The following UACA variants were observed in gnomAD, a reference collection of about 807,000 sequenced individuals.
UACA encodes the protein uveal autoantigen with coiled-coil domains and ankyrin repeats.
Under a neutral mutation model 160.5 loss-of-function variants are expected in UACA, and 112 were observed. The ratio of observed to expected loss-of-function variants is 0.70; its 90% CI spans 0.60 to 0.82. UACA has a LOEUF of 0.82. Ranked by LOEUF, UACA falls within the 40% of genes least tolerant of loss-of-function variation. The pLI is 0.00. For missense variants in UACA, 1,574 were observed against 1,614.6 expected, an observed-to-expected ratio of 0.97 and a Z score of 0.43; for synonymous variants, 557 against 568.4, an observed-to-expected ratio of 0.98 and a Z score of 0.29.
intron 1 of UACA, among the ~76,000 whole-genome samples, chr15:70,723,269 G>A (rs918115773): frequency 9.2e-5 from 14 of 152,244 alleles, no homozygotes; most frequent in African/African-American, 3.4e-4. Flanking sequence ...CTAGAATGGA[G>A]GGTCGCTGGA....
rs571781334 is a variant in UACA, at chr15:70,669,305, C to A, written c.1379G>T (p.Arg460Leu). 4.3e-6 allele frequency: 7 copies of A among 1,613,916 alleles called. No homozygotes were observed. Among genetic ancestry groups the A allele is most frequent in the Non-Finnish European group, 5.9e-6 (7 of 1,179,978 alleles). ...TGCCAGTTCATTTTGGAGCTTCAGT[C>A]GGTCTTGTTTTGCTGACTCACAGAA... ...RTFCESAKQD[R>L]LKLQNELAHK... Residue 460 changes from arginine to leucine, a missense_variant, in exon 16 of 19, where the codon CGA becomes CTA. Transcript: ENST00000322954.
intron 17 of UACA, chr15:70,660,483 A>T: frequency 2.5e-6 from 1 of 400,248 alleles, no homozygotes; most frequent in Non-Finnish European, 4.5e-6. Context: ...TAGTGCCATG[A>T]ACTTCTGAAG....
chr15:70,673,677 T>G (rs1053466693), intron 13 of UACA, among the ~76,000 whole-genome samples: 1 of 152,226 alleles, frequency 6.6e-6, no homozygotes, highest in African/African-American at 2.4e-5. Flanking sequence ...AAAATCAGTC[T>G]CATTCTAAAA....
At chr15:70,674,042 G>A (rs1050811003) in intron 13 of UACA, among the ~76,000 whole-genome samples, 2 of 151,958 alleles carry the variant, frequency 1.3e-5, no homozygotes, top group African/African-American at 4.8e-5. Context: ...TTATGTTTTT[G>A]GTAGAGACGG....
chr15:70,662,343 T>C (rs1351571098), intron 17 of UACA, among the ~76,000 whole-genome samples: 1 of 152,114 alleles, frequency 6.6e-6, no homozygotes, highest in East Asian at 1.9e-4. Flanking sequence ...TACAAACCAC[T>C]GCTCAATGAA....
At chr15:70,763,301 C>A in intron 1 of UACA, 29 bp downstream of exon 1, 1 of 1,321,702 alleles carries the variant, frequency 7.6e-7, no homozygotes, top group Non-Finnish European at 9.7e-7. Context: ...CGGAGCGGAG[C>A]GCCTCGCAGC....
chr15:70,778,436 C>T, the UACA span, among the ~76,000 whole-genome samples: 3 of 152,312 alleles, frequency 2.0e-5, no homozygotes, highest in African/African-American at 7.2e-5. Flanking sequence ...AGGCTGCCCT[C>T]GTTCCTTGGC....
At chr15:70,712,022 C>T (rs1360440246) in intron 1 of UACA, among the ~76,000 whole-genome samples, 2 of 141,542 alleles carry the variant, frequency 1.4e-5, no homozygotes, top group East Asian at 4.0e-4. Flanking sequence ...AGAAACACAT[C>T]TGCAACCCAG....
chr15:70,741,264 G>A (rs1255889577), intron 1 of UACA, among the ~76,000 whole-genome samples: 1 of 152,116 alleles, frequency 6.6e-6, no homozygotes, highest in East Asian at 1.9e-4. Context: ...GCACTCCCAA[G>A]GTCTGTCCTG....
chr15:70,776,726 G>A, the UACA span, among the ~76,000 whole-genome samples: 1 of 152,048 alleles, frequency 6.6e-6, no homozygotes, highest in Non-Finnish European at 1.5e-5. Flanking sequence ...ACCATACCTG[G>A]CCTAAATGTC....
chr15:70,668,276 A>C lies in UACA; in HGVS notation c.2408T>G (p.Phe803Cys). 6.2e-7 allele frequency: 1 copy of C among 1,613,586 alleles called. No individual in the cohort carries two copies. Among genetic ancestry groups the C allele is most frequent in the African/African-American group, 1.3e-5 (1 of 75,018 alleles). ...SKDVSRLETV[F>C]VPPEKHEKEI... ...TTTTTCATGTTTCTCAGGAGGTACA[A>C]ACACAGTTTCTAGGCGGCTTACATC... Residue 803 changes from phenylalanine to cysteine, a missense_variant, in exon 16 of 19, where the codon TTT becomes TGT. Transcript: ENST00000322954.
chr15:70,684,383 A>G lies in UACA; in HGVS notation c.666T>C (p.Asn222=), dbSNP rs1392326783. 1 of 1,613,676 alleles carries G rather than the reference A, an allele frequency of 6.2e-7. No homozygotes were observed. Among genetic ancestry groups the G allele is most frequent in the African/African-American group, 1.3e-5 (1 of 74,904 alleles). ...CATCCAGCAAGCTTATATCAGCACCATTTTTAATTAAGACTTCTACTGCAT... is the reference window on the plus strand; with the variant it reads ...CATCCAGCAAGCTTATATCAGCACCGTTTTTAATTAAGACTTCTACTGCAT... The part of the protein sequence containing the change: ...CRDAVEVLIK[N]GADISLLDAL... The change falls in exon 8 of 19, where the codon AAT becomes AAC. Residue 222 remains asparagine, a synonymous_variant. Transcript: ENST00000322954.
intron 1 of UACA, among the ~76,000 whole-genome samples, chr15:70,714,118 A>G (rs1378814167): frequency 6.6e-6 from 1 of 152,222 alleles, no homozygotes; most frequent in Non-Finnish European, 1.5e-5. Context: ...CACAAGCTCT[A>G]TCACAATTCA....
At chr15:70,768,800 G>A in the UACA span, among the ~76,000 whole-genome samples, 1 of 152,104 alleles carries the variant, frequency 6.6e-6, no homozygotes, top group Non-Finnish European at 1.5e-5. Context: ...GGATAGAAAA[G>A]TTCCTTGATT....
intron 1 of UACA, among the ~76,000 whole-genome samples, chr15:70,752,339 C>T (rs2030136198): frequency 6.6e-6 from 1 of 151,812 alleles, no homozygotes; most frequent in Non-Finnish European, 1.5e-5. Context: ...GGCTTTACTA[C>T]AACCACACCC....
chr15:70,755,231 G>C (rs1316391551), intron 1 of UACA, among the ~76,000 whole-genome samples: 1 of 152,146 alleles, frequency 6.6e-6, no homozygotes, highest in Non-Finnish European at 1.5e-5. Context: ...TAATTCTAGA[G>C]AGGAAGGGAG....
intron 1 of UACA, among the ~76,000 whole-genome samples, chr15:70,723,598 CCTAA>C (rs1899056268): frequency 6.6e-6 from 1 of 151,924 alleles, no homozygotes; most frequent in Non-Finnish European, 1.5e-5. Flanking sequence ...GCTTCTTAAT[CCTAA>C]CTCATTTTTC....
chr15:70,738,733 A>T (rs1169135718), intron 1 of UACA, among the ~76,000 whole-genome samples: 3 of 152,204 alleles, frequency 2.0e-5, no homozygotes, highest in Non-Finnish European at 4.4e-5. Flanking sequence ...CATTCATCCA[A>T]AAAAAAGTAT....
intron 1 of UACA, among the ~76,000 whole-genome samples, chr15:70,713,333 G>A (rs1236392032): frequency 1.3e-5 from 2 of 152,202 alleles, no homozygotes; most frequent in African/African-American, 4.8e-5. Context: ...GGGCGACAGA[G>A]CGAGAAAGAA....
Sources: allele counts gnomAD v4.1 joint callset (sites outside exome capture counted in the v4.1 genomes callset), GRCh38; gene constraint gnomAD v4.1.1; transcripts MANE v1.5; gene names NCBI Gene and HGNC (gene_info 2026-07-23, HGNC 2026-07-21).